Variants in SLC12A7 observed in about 807,000 individuals in gnomAD.
SLC12A7 encodes K-Cl cotransporter 4.
SLC12A7 carries 100 observed loss-of-function variants against 120.6 expected under a neutral mutation model. The ratio of observed to expected loss-of-function variants is 0.83; its 90% confidence interval spans 0.71 to 0.98. SLC12A7 has a LOEUF of 0.98. Ranked by LOEUF, SLC12A7 falls within the 50% of genes least tolerant of loss-of-function variation. The probability of loss-of-function intolerance (pLI) is 0.00; values close to 1 mark genes in which losing one functional copy is unlikely to be tolerated. For synonymous variants in SLC12A7, 760 were observed against 678.0 expected (o/e 1.12, Z -1.88); for missense variants, 1,373 against 1,548.1 (o/e 0.89, Z 1.90).
At chr5:1,129,241 A>G in the SLC12A7 span, among the ~76,000 whole-genome samples, 1 of 152,138 alleles carries the variant, frequency 6.6e-6, no homozygotes, top group African/African-American at 2.4e-5. Flanking sequence ...CCCTCTGTGC[A>G]TCCCCAAGGG....
chr5:1,066,129 CA>C, intron 17 of SLC12A7, among the ~76,000 whole-genome samples: 1 of 152,214 alleles, frequency 6.6e-6, no homozygotes, highest in Non-Finnish European at 1.5e-5. Context: ...CTCTGACCTT[CA>C]GGCCCTGGAA....
At chr5:1,059,642 G>A (rs977711564) in intron 21 of SLC12A7, among the ~76,000 whole-genome samples, 7 of 152,064 alleles carry the variant, frequency 4.6e-5, no homozygotes, top group Non-Finnish European at 8.8e-5. Context: ...GCCCAGGCCA[G>A]TATAACTCAG....
the SLC12A7 span, among the ~76,000 whole-genome samples, chr5:1,154,354 AACAC>A: frequency 0.021 from 3,000 of 141,756 alleles, 74 homozygotes; most frequent in African/African-American, 0.059. Flanking sequence ...TGGTGTCCGC[AACAC>A]ACACACACAC....
chr5:1,069,898 A>G (rs955529371), intron 17 of SLC12A7, among the ~76,000 whole-genome samples: 3 of 152,080 alleles, frequency 2.0e-5, no homozygotes, highest in African/African-American at 7.2e-5. Context: ...CAGAGCTGGC[A>G]CCAGCATGCT....
chr5:1,096,359 C>G (rs1028210440), intron 1 of SLC12A7, among the ~76,000 whole-genome samples: 1 of 152,152 alleles, frequency 6.6e-6, no homozygotes, highest in African/African-American at 2.4e-5. Flanking sequence ...CCACACTGGT[C>G]TTGCAACCTT....
At chr5:1,124,902 C>A in the SLC12A7 span, among the ~76,000 whole-genome samples, 5 of 152,174 alleles carry the variant, frequency 3.3e-5, no homozygotes, top group Admixed American at 6.5e-5. Context: ...TGATGACGCC[C>A]CGCTTCAGCA....
intron 3 of SLC12A7, among the ~76,000 whole-genome samples, chr5:1,092,656 T>G (rs528357226): frequency 3.5e-4 from 53 of 152,268 alleles, no homozygotes; most frequent in African/African-American, 1.2e-3. Flanking sequence ...GACAATTTTG[T>G]GTCAAGACTG....
upstream of SLC12A7, among the ~76,000 whole-genome samples, chr5:1,114,903 G>A (rs533289182): frequency 6.9e-4 from 105 of 152,356 alleles, no homozygotes; most frequent in African/African-American, 2.5e-3. Context: ...ATTCACTGGA[G>A]GGAGAGGCTC....
chr5:1,094,367 T>A, intron 1 of SLC12A7, 119 bp from the exon 2 acceptor site: 1 of 725,610 alleles, frequency 1.4e-6, no homozygotes, highest in Admixed American at 2.0e-5. Context: ...CTCTAAACCA[T>A]GGCTAAGGGT....
rs754596739 is a variant in SLC12A7 at position 1,081,605 on chromosome 5, C to T, written c.1269G>A (p.Leu423=). ...LTDIAASFTL[L]VGIYFPSVTG... ...TCACGGAAGGGAAGTAGATGCCAAC[C>T]AGCAGGGTGAAGGAGGCCGCGATGT... The change falls in exon 9 of 24, where the codon CTG becomes CTA. Residue 423 remains leucine (L), a synonymous_variant. Transcript: ENST00000264930. The T allele has an allele frequency of 1.9e-6, 3 of 1,607,286 alleles. No individual in the cohort carries two copies. The Admixed American group carries it at 5.0e-5, about 27-fold the overall frequency.
chr5:1,112,246 C>T (rs372176471), upstream of SLC12A7, among the ~76,000 whole-genome samples: 45 of 151,858 alleles, frequency 3.0e-4, no homozygotes, highest in East Asian at 6.3e-3. Flanking sequence ...CCTGCGCTCC[C>T]GACCATCGCA....
At chr5:1,079,292 G>T in intron 10 of SLC12A7, 106 bp downstream of exon 10, 1 of 845,022 alleles carries the variant, frequency 1.2e-6, no homozygotes, top group South Asian at 1.5e-5. Flanking sequence ...CCTAACCTGG[G>T]AAGTCACATG....
intron 22 of SLC12A7, among the ~76,000 whole-genome samples, chr5:1,054,251 G>A (rs1035539093): frequency 1.3e-4 from 20 of 152,208 alleles, no homozygotes; most frequent in African/African-American, 4.6e-4. Flanking sequence ...TCTGCTCCAC[G>A]ACCCTCCCTG....
At position 1,068,425 on chromosome 5, in the gene SLC12A7, C is replaced by T. The variant is rs528101273; in HGVS notation, c.2242-2947G>A. Among the ~76,000 whole-genome samples the T allele has an allele frequency of 2.0e-5, 3 of 152,296 alleles. No individual in the cohort carries two copies. In the East Asian group the frequency reaches 5.8e-4, roughly 29 times the overall value. ...CTGCAGCCTGGGCAACAGAGGGAGA[C>T]TCTGTCTCAAAAAATAAATAAAAAT... On this transcript the variant is annotated intron_variant, in intron 17 of 23. Coordinates refer to ENST00000264930, the MANE Select transcript of SLC12A7 (RefSeq NM_006598.3).
At chr5:1,062,867 T>C (rs1736457350) in intron 20 of SLC12A7, 1 of 154,358 alleles carries the variant, frequency 6.5e-6, no homozygotes, top group African/African-American at 2.4e-5. Context: ...TGCAAAACCA[T>C]GCGCTGGGGT....
chr5:1,052,266 G>A lies in SLC12A7; in HGVS notation c.*94C>T. 2 of 1,053,812 alleles carry A rather than the reference G, an allele frequency of 1.9e-6. No homozygotes were observed. Among genetic ancestry groups the A allele is most frequent in the East Asian group, 4.7e-5 (2 of 42,252 alleles). 65.3% of individuals were successfully genotyped at this position (1,053,812 alleles called of 1,614,324 possible). A position where few individuals can be genotyped will look rare whatever the true frequency, so the allele number is the denominator to read the frequency against. On this transcript the variant is annotated 3_prime_UTR_variant, in exon 24 of 24. Coordinates refer to ENST00000264930, the MANE Select transcript of SLC12A7 (RefSeq NM_006598.3). Reference sequence around the variant, plus strand: ...TGGGCGGCATCACTGGGGGACAGGTGTGTCTGCCGTCTGTTTCCCTGGGCC... The same window carrying A: ...TGGGCGGCATCACTGGGGGACAGGTATGTCTGCCGTCTGTTTCCCTGGGCC...
chr5:1,093,594 T>G lies in SLC12A7; in HGVS notation c.281A>C (p.Asn94Thr). The G allele has an allele frequency of 6.2e-7, 1 of 1,612,802 alleles. No homozygotes were observed. The highest frequency in any genetic ancestry group is 8.5e-7 in the Non-Finnish European group (1 of 1,179,808). ...SLLNKLANYT[N>T]LSQGVVEHEE... is the part of the protein sequence containing the mutation. Reference sequence around the variant, plus strand: ...GTGCTCCACCACGCCCTGGCTCAGGTTGGTGTAGTTGGCCAGCTTGTTGAG... The same window carrying G: ...GTGCTCCACCACGCCCTGGCTCAGGGTGGTGTAGTTGGCCAGCTTGTTGAG... Residue 94 changes from asparagine (N) to threonine (T), a missense_variant, in exon 3 of 24, where the codon AAC (asparagine) becomes ACC (threonine). Coordinates refer to ENST00000264930, the MANE Select transcript of SLC12A7 (RefSeq NM_006598.3).
rs1236039316 is a variant in SLC12A7, at chr5:1,063,859, C to T, written c.2724G>A (p.Val908=). The part of the protein sequence containing the change: ...FLYHLRISAE[V]EVVEMVENDI... ...CGGGACTCACCATCTCCACCACCTC[C>T]ACCTCGGCGCTGATGCGCAAGTGGT... The change falls in exon 20 of 24, where the codon GTG becomes GTA. Residue 908 remains valine, a synonymous_variant. Coordinates refer to ENST00000264930, the MANE Select transcript of SLC12A7 (RefSeq NM_006598.3). The T allele has an allele frequency of 6.2e-7, 1 of 1,608,910 alleles. No individual in the cohort carries two copies. Among genetic ancestry groups the T allele is most frequent in the East Asian group, 2.2e-5 (1 of 44,678 alleles).
intron 13 of SLC12A7, 78 bp downstream of exon 13, chr5:1,076,616 G>T (rs2150834461): frequency 2.8e-6 from 3 of 1,061,476 alleles, no homozygotes; most frequent in Non-Finnish European, 4.2e-6. Flanking sequence ...CTTGTCCTGA[G>T]CAGGACCTCC....
Sources: gnomAD v4.1 joint callset for allele counts (sites outside exome capture counted in the v4.1 genomes callset) on GRCh38, gnomAD v4.1.1 for gene constraint, MANE v1.5 for transcripts, NCBI Gene and HGNC (gene_info 2026-07-23, HGNC 2026-07-21) for gene names.